Variants in DYNC1LI2 observed in about 807,000 individuals in gnomAD.
DYNC1LI2 encodes the protein cytoplasmic dynein 1 light intermediate chain 2.
DYNC1LI2 carries 19 observed loss-of-function variants against 57.8 expected under a neutral mutation model. The observed-to-expected ratio is 0.33, with a 90% CI of 0.23 to 0.48. The LOEUF is 0.48. Among genes scored for constraint, DYNC1LI2 ranks in the 20% least tolerant of loss-of-function variants. DYNC1LI2 has a pLI of 0.99. For missense variants in DYNC1LI2, 470 were observed against 604.2 expected (o/e 0.78, Z 2.33); for synonymous variants, 256 against 233.4 (o/e 1.10, Z -0.88).
intron 5 of DYNC1LI2, among the ~76,000 whole-genome samples, chr16:66,734,992 C>A (rs1357538403): frequency 2.7e-5 from 2 of 75,396 alleles, no homozygotes; most frequent in Non-Finnish European, 4.4e-5. Context: ...AGTGAAACTC[C>A]GTCTCAAAAA....
intron 5 of DYNC1LI2, among the ~76,000 whole-genome samples, chr16:66,735,328 T>C (rs189109300): frequency 1.3e-5 from 2 of 152,090 alleles, no homozygotes; most frequent in Admixed American, 1.3e-4. Context: ...CTTGAACTCC[T>C]GACCTCAAAT....
intron 8 of DYNC1LI2, among the ~76,000 whole-genome samples, chr16:66,729,392 C>T (rs2017593512): frequency 6.6e-6 from 1 of 152,066 alleles, no homozygotes; most frequent in Non-Finnish European, 1.5e-5. Context: ...GCAGCACTGG[C>T]AGGACTTAAT....
intron 4 of DYNC1LI2, among the ~76,000 whole-genome samples, chr16:66,742,153 G>T (rs563995814): frequency 5.3e-5 from 8 of 152,264 alleles, no homozygotes; most frequent in Non-Finnish European, 1.5e-5. Flanking sequence ...GAGATCCACA[G>T]AACTTAACAC....
chr16:66,727,640 T>G, intron 11 of DYNC1LI2, 48 bp downstream of exon 11: 1 of 1,599,844 alleles, frequency 6.3e-7, no homozygotes, highest in South Asian at 1.1e-5. Flanking sequence ...GGCTCAGGTC[T>G]AAAACTAAAC....
At chr16:66,734,440 T>G in intron 5 of DYNC1LI2, 129 bp from the exon 6 acceptor site, 1 of 849,528 alleles carries the variant, frequency 1.2e-6, no homozygotes, top group Non-Finnish European at 1.8e-6. Context: ...CAAGCATTAA[T>G]TAGAGAAGAG....
chr16:66,725,413 G>A (rs549733775), intron 12 of DYNC1LI2, among the ~76,000 whole-genome samples: 31 of 151,716 alleles, frequency 2.0e-4, no homozygotes, highest in African/African-American at 6.3e-4. Context: ...CCTGGGAGGC[G>A]GAGGTTGCAG....
intron 3 of DYNC1LI2, among the ~76,000 whole-genome samples, chr16:66,743,306 A>G (rs1400754890): frequency 6.6e-6 from 1 of 152,056 alleles, no homozygotes; most frequent in Non-Finnish European, 1.5e-5. Context: ...GCTCACACCT[A>G]TAATCCCTGC....
rs371571850 is a variant in DYNC1LI2, at chr16:66,722,807, TTGTA to T, written c.*911_*914del. ...TAAAACCAGAGGTTCATCACCTATT[TTGTA>T]TTAGTTAGGCCAGCCTGTGATAGTA... On this transcript the variant is annotated 3_prime_UTR_variant, in exon 13 of 13. Coordinates refer to ENST00000258198, the MANE Select transcript of DYNC1LI2 (RefSeq NM_006141.3). 4.1e-4 allele frequency: 63 copies of T among 153,366 alleles called. No individual in the cohort carries two copies. Among genetic ancestry groups the T allele is most frequent in the African/African-American group, 1.4e-3 (57 of 41,588 alleles). The allele number at this position is 153,366 out of a possible 1,614,324, so 9.5% of individuals were successfully genotyped here.
chr16:66,733,167 G>A (rs2017669712), intron 6 of DYNC1LI2: 2 of 152,156 alleles, frequency 1.3e-5, no homozygotes, highest in South Asian at 2.1e-4. Context: ...CTACATAAAA[G>A]CAAAGTTTAA....
In DYNC1LI2 at chr16:66,723,417, A is replaced by G. The variant is rs970069109; in HGVS notation, c.*305T>C. On this transcript the variant is annotated 3_prime_UTR_variant, in exon 13 of 13. Transcript: ENST00000258198. ...GTCTCATTTGCTCCACCCTGTTAGAAAGTGGGCCCTCTTTCTTTCACTCTA... is the reference window on the plus strand; with the variant it reads ...GTCTCATTTGCTCCACCCTGTTAGAGAGTGGGCCCTCTTTCTTTCACTCTA... 1.9e-6 allele frequency: 1 copy of G among 513,338 alleles called. No individual in the cohort carries two copies. Among genetic ancestry groups the G allele is most frequent in the Non-Finnish European group, 3.8e-6 (1 of 264,824 alleles). 31.8% of individuals were successfully genotyped at this position (513,338 alleles called of 1,614,324 possible).
rs548697103 is a variant in DYNC1LI2, at chr16:66,721,393, C to G, written c.*2329G>C. On this transcript the variant is annotated 3_prime_UTR_variant, in exon 13 of 13. Coordinates refer to ENST00000258198, the MANE Select transcript of DYNC1LI2 (RefSeq NM_006141.3). Reference sequence around the variant, plus strand: ...AACCATTATAATGTGCATAAATAGTCATAAAATTGTCTTTAACAGTCTACC... The same window carrying G: ...AACCATTATAATGTGCATAAATAGTGATAAAATTGTCTTTAACAGTCTACC... 6.6e-6 allele frequency: 1 copy of G among 152,474 alleles called. No homozygotes were observed. The highest frequency in any genetic ancestry group is 2.4e-5 in the African/African-American group (1 of 41,488). 9.4% of individuals were successfully genotyped at this position (152,474 alleles called of 1,614,324 possible). A position where few individuals can be genotyped will look rare whatever the true frequency, so the allele number is the denominator to read the frequency against.
In DYNC1LI2 at chr16:66,732,394, A is replaced by G. The variant is rs1246597822; in HGVS notation, c.874T>C (p.Tyr292His). The change falls in exon 7 of 13, where the codon TAC (tyrosine) becomes CAC (histidine). Residue 292 changes from tyrosine to histidine, a missense_variant. By Grantham distance (83) the Tyr-to-His change is moderately conservative. Coordinates refer to ENST00000258198, the MANE Select transcript of DYNC1LI2 (RefSeq NM_006141.3). ...LLYKYIVHKT[Y>H]GFHFTTPALV... Reference sequence around the variant, plus strand: ...GCAGGTGTGGTGAAGTGGAAACCGTATGTTTTATGAACAATATACTTATAC... The same window carrying G: ...GCAGGTGTGGTGAAGTGGAAACCGTGTGTTTTATGAACAATATACTTATAC... The G allele has an allele frequency of 6.2e-7, 1 of 1,614,064 alleles. No individual in the cohort carries two copies. The highest frequency in any genetic ancestry group is 8.5e-7 in the Non-Finnish European group (1 of 1,179,972).
chr16:66,742,301 G>T, intron 4 of DYNC1LI2, 137 bp downstream of exon 4: 1 of 808,520 alleles, frequency 1.2e-6, no homozygotes, highest in Non-Finnish European at 1.9e-6. Context: ...TTTACAAGAG[G>T]AACTCTGAAA....
rs2017442201 is a variant in DYNC1LI2 at position 66,720,957 on chromosome 16, C to A, written c.*2765G>T. The A allele has an allele frequency of 6.6e-6, 1 of 152,532 alleles. No individual in the cohort carries two copies. The allele number at this position is 152,532 out of a possible 1,614,324, so 9.4% of individuals were successfully genotyped here. ...TTAGAGACATCTTTTTTTCCCAGGACTAGAAAGCAAGGTTCCACATGACTG... is the reference window on the plus strand; with the variant it reads ...TTAGAGACATCTTTTTTTCCCAGGAATAGAAAGCAAGGTTCCACATGACTG... On this transcript the variant is annotated 3_prime_UTR_variant, in exon 13 of 13. Coordinates refer to ENST00000258198, the MANE Select transcript of DYNC1LI2 (RefSeq NM_006141.3).
rs765414318 is a variant in DYNC1LI2, at chr16:66,749,220, C to T, written c.275G>A (p.Ser92Asn). Residue 92 changes from serine to asparagine, a missense_variant, in exon 3 of 13, where the codon AGT becomes AAT. Ser to Asn is a conservative substitution (Grantham distance 46). Coordinates refer to ENST00000258198, the MANE Select transcript of DYNC1LI2 (RefSeq NM_006141.3). ...KGRGLEYLYL[S>N]VHDEDRDDHT... is the part of the protein sequence containing the mutation. ...ACCATCTCGGTCCTCATCATGGACA[C>T]TGAGGTAGAGATATTCTAGGCCTCT... 18 of 1,614,090 alleles carry T rather than the reference C, an allele frequency of 1.1e-5. No individual in the cohort carries two copies. In the South Asian group the frequency reaches 1.8e-4, roughly 16 times the overall value.
Position 66,734,371 on chromosome 16 carries a change from C to A in DYNC1LI2, c.700-60G>T, listed in dbSNP as rs970408558. On this transcript the variant is annotated intron_variant, in intron 5 of 12. Transcript: ENST00000258198. ...TCATTGCCTGCTGACGATGGGAACA[C>A]CTCATTCTTCAGAAATAAAGTATTG... 3.3e-6 allele frequency: 5 copies of A among 1,494,438 alleles called. No individual in the cohort carries two copies. The African/African-American group carries it at 6.9e-5, about 21-fold the overall frequency. The allele number at this position is 1,494,438 out of a possible 1,614,324, so 92.6% of individuals were successfully genotyped here. A position where few individuals can be genotyped will look rare whatever the true frequency, so the allele number is the denominator to read the frequency against.
chr16:66,727,690 T>C lies in DYNC1LI2; in HGVS notation c.1259A>G (p.Lys420Arg), dbSNP rs2017560287. The C allele has an allele frequency of 6.2e-7, 1 of 1,614,022 alleles. No homozygotes were observed. The change falls in exon 11 of 13, where the codon AAA becomes AGA. Residue 420 changes from lysine to arginine, a missense_variant and splice_region_variant. Lys to Arg is a conservative substitution (Grantham distance 26). Coordinates refer to ENST00000258198, the MANE Select transcript of DYNC1LI2 (RefSeq NM_006141.3). The part of the protein sequence containing the change: ...TSVKKPDPNI[K>R]NNAASEGVLA... ...ACATACTTTTGAGGAATACATACTT[T>C]TGATGTTTGGGTCCGGCTTTTTTAC...
At chr16:66,747,279 A>G (rs1247938098) in intron 3 of DYNC1LI2, among the ~76,000 whole-genome samples, 1 of 151,668 alleles carries the variant, frequency 6.6e-6, no homozygotes, top group Non-Finnish European at 1.5e-5. Flanking sequence ...GAGTTTCACC[A>G]TGTTGGCCAG....
chr16:66,750,539 C>T (rs1392298670), intron 2 of DYNC1LI2, among the ~76,000 whole-genome samples: 1 of 152,210 alleles, frequency 6.6e-6, no homozygotes, highest in Non-Finnish European at 1.5e-5. Context: ...CCGAATCATC[C>T]TCCTTCACCA....
Sources: allele counts gnomAD v4.1 joint callset (sites outside exome capture counted in the v4.1 genomes callset), GRCh38; gene constraint gnomAD v4.1.1; transcripts MANE v1.5; gene names NCBI Gene and HGNC (gene_info 2026-07-23, HGNC 2026-07-21).